The following WDR49 variants were observed in gnomAD, a reference collection of about 807,000 sequenced individuals.
WDR49 encodes cilia- and flagella-associated protein 337.
WDR49 carries 107 observed loss-of-function variants against 119.5 expected under a neutral mutation model. The ratio of observed to expected loss-of-function variants is 0.90; its 90% CI spans 0.77 to 1.05. The LOEUF (loss-of-function observed/expected upper bound fraction) is 1.05. WDR49 is among the 50% of genes least tolerant of loss of function. The pLI, the probability that WDR49 is intolerant of heterozygous loss-of-function variation, is 0.00. For missense variants in WDR49, 1,240 were observed against 1,220.5 expected (o/e 1.02, Z -0.24); for synonymous variants, 425 against 418.8 (o/e 1.01, Z -0.18).
chr3:167,530,249 A>C (rs1752799116), intron 13 of WDR49, among the ~76,000 whole-genome samples: 1 of 152,140 alleles, frequency 6.6e-6, no homozygotes, highest in Non-Finnish European at 1.5e-5. Flanking sequence ...ATGGGAAACA[A>C]TAAACATAAT....
intron 17 of WDR49, among the ~76,000 whole-genome samples, chr3:167,504,286 G>C (rs1286702581): frequency 6.6e-6 from 1 of 152,198 alleles, no homozygotes; most frequent in African/African-American, 2.4e-5. Flanking sequence ...CACAAGGGCT[G>C]TACCCTGCAG....
chr3:167,489,920 A>G (rs572588379), intron 18 of WDR49, among the ~76,000 whole-genome samples: 1 of 152,236 alleles, frequency 6.6e-6, no homozygotes, highest in East Asian at 1.9e-4. Flanking sequence ...ATATGTGCAT[A>G]AGAATCACCT....
chr3:167,640,585 C>G (rs1717832943), intron 2 of WDR49, among the ~76,000 whole-genome samples: 1 of 151,612 alleles, frequency 6.6e-6, no homozygotes, highest in Admixed American at 6.6e-5. Flanking sequence ...GAAAATGTAC[C>G]AAGTTAATGT....
intron 10 of WDR49, among the ~76,000 whole-genome samples, chr3:167,541,498 TA>T (rs1471203719): frequency 2.0e-5 from 3 of 152,020 alleles, no homozygotes; most frequent in African/African-American, 7.2e-5. Flanking sequence ...TTCTGAGAGT[TA>T]ACAACTACCA....
intron 9 of WDR49, among the ~76,000 whole-genome samples, chr3:167,559,601 T>C (rs910702452): frequency 3.3e-5 from 5 of 152,210 alleles, no homozygotes; most frequent in Non-Finnish European, 4.4e-5. Flanking sequence ...TAACAAAAAT[T>C]AAGATTACAA....
Position 167,552,822 on chromosome 3 carries a change from C to T in WDR49, c.1823+1828G>A, listed in dbSNP as rs937044187. Among the ~76,000 whole-genome samples, 74 of 152,050 alleles carry T rather than the reference C, an allele frequency of 4.9e-4. 1 individual carries two copies. Among genetic ancestry groups the T allele is most frequent in the Non-Finnish European group, 6.3e-4 (43 of 67,970 alleles). Reference sequence around the variant, plus strand: ...TCAGATGGCATATTTAAGTACTTTACTCAAAAATGTAATTACCATCCCATC... The same window carrying T: ...TCAGATGGCATATTTAAGTACTTTATTCAAAAATGTAATTACCATCCCATC... On this transcript the variant is annotated intron_variant, in intron 10 of 18. Coordinates refer to ENST00000682715, the MANE Select transcript of WDR49 (RefSeq NM_001366157.1).
At chr3:167,499,620 T>C (rs2108208103) in intron 18 of WDR49, among the ~76,000 whole-genome samples, 1 of 152,178 alleles carries the variant, frequency 6.6e-6, no homozygotes, top group East Asian at 1.9e-4. Flanking sequence ...AAAGAATTAT[T>C]TTGTACATCT....
chr3:167,547,653 TTTC>T (rs1353445669), intron 10 of WDR49, among the ~76,000 whole-genome samples: 2 of 150,882 alleles, frequency 1.3e-5, no homozygotes, highest in Non-Finnish European at 3.0e-5. Flanking sequence ...GAGACAAGAT[TTTC>T]TTTTTTTTTT....
chr3:167,605,102 A>G (rs1199332433), intron 5 of WDR49, among the ~76,000 whole-genome samples: 1 of 128,768 alleles, frequency 7.8e-6, no homozygotes, highest in Non-Finnish European at 1.6e-5. Flanking sequence ...GTGTATATAT[A>G]TACACACACA....
In WDR49 at chr3:167,501,013, T is replaced by C. The variant is rs186659052; in HGVS notation, c.2885-714A>G. On this transcript the variant is annotated intron_variant, in intron 17 of 18. Transcript: ENST00000682715. ...CTGCTATGGAACAAGTCAGGTTCTA[T>C]GTCAGTGGATTTCAAACTACAACAG... Among the ~76,000 whole-genome samples the C allele has an allele frequency of 2.6e-3, 398 of 152,316 alleles. 5 individuals are homozygous for C. Among genetic ancestry groups the C allele is most frequent in the Admixed American group, 0.025 (379 of 15,294 alleles).
chr3:167,639,144 C>T (rs954407174), intron 2 of WDR49, among the ~76,000 whole-genome samples: 1 of 151,702 alleles, frequency 6.6e-6, no homozygotes, highest in African/African-American at 2.4e-5. Context: ...AATAGTGCAG[C>T]CAACAGAGAA....
chr3:167,547,697 C>CA (rs1305439898), intron 10 of WDR49, among the ~76,000 whole-genome samples: 3 of 148,210 alleles, frequency 2.0e-5, no homozygotes, highest in African/African-American at 7.4e-5. Flanking sequence ...ATTTGCTTAC[C>CA]AAAAAACCCA....
chr3:167,530,430 C>T (rs960702689), intron 13 of WDR49, among the ~76,000 whole-genome samples: 4 of 152,014 alleles, frequency 2.6e-5, no homozygotes, highest in Non-Finnish European at 5.9e-5. Flanking sequence ...TGCATCAACA[C>T]CATGCTAATA....
chr3:167,575,856 G>A, intron 8 of WDR49, 62 bp downstream of exon 8: 3 of 1,527,376 alleles, frequency 2.0e-6, no homozygotes, highest in Non-Finnish European at 2.7e-6. Flanking sequence ...ACTGAATTAA[G>A]TAAATGAGCC....
intron 5 of WDR49, among the ~76,000 whole-genome samples, chr3:167,607,642 T>A (rs919125438): frequency 2.0e-5 from 3 of 152,202 alleles, no homozygotes; most frequent in Non-Finnish European, 4.4e-5. Context: ...TCTCCTTTCC[T>A]GTGCTATTGC....
chr3:167,656,286 C>T (rs935878485), upstream of WDR49, among the ~76,000 whole-genome samples: 13 of 152,260 alleles, frequency 8.5e-5, no homozygotes, highest in African/African-American at 2.9e-4. Flanking sequence ...CATGGGAACA[C>T]GATTTGTCTT....
At chr3:167,575,870 G>C (rs777898300) in intron 8 of WDR49, 48 bp downstream of exon 8, 2 of 1,575,228 alleles carry the variant, frequency 1.3e-6, no homozygotes, top group Admixed American at 3.4e-5. Context: ...ATGAGCCTCT[G>C]GACTTGGAGA....
intron 5 of WDR49, among the ~76,000 whole-genome samples, chr3:167,617,333 TCTGGTCAA>T (rs1716645595): frequency 6.6e-6 from 1 of 152,122 alleles, no homozygotes; most frequent in South Asian, 2.1e-4. Context: ...TTGAGACCAG[TCTGGTCAA>T]CATGGTGAAA....
intron 2 of WDR49, among the ~76,000 whole-genome samples, chr3:167,631,004 G>T (rs753116847): frequency 5.3e-5 from 8 of 151,648 alleles, no homozygotes; most frequent in Admixed American, 6.6e-5. Flanking sequence ...TTTAAACAGC[G>T]AAATCCGCAA....
Sources: gnomAD v4.1 joint callset for allele counts (sites outside exome capture counted in the v4.1 genomes callset) on GRCh38, gnomAD v4.1.1 for gene constraint, MANE v1.5 for transcripts, NCBI Gene and HGNC (gene_info 2026-07-23, HGNC 2026-07-21) for gene names.